The following SLC4A4 variants were observed in gnomAD, a reference collection of about 807,000 sequenced individuals.
The protein encoded by SLC4A4 is solute carrier family 4 member 4, also known as electrogenic sodium bicarbonate cotransporter 1.
In SLC4A4, 27 loss-of-function variants were observed where a neutral mutation model predicts 111.5. The ratio of observed to expected loss-of-function variants is 0.24; its 90% CI spans 0.18 to 0.33. The LOEUF (loss-of-function observed/expected upper bound fraction) is 0.33. SLC4A4 is among the 10% of genes least tolerant of loss of function. The pLI is 1.00. For synonymous variants in SLC4A4, 443 were observed against 463.4 expected, an observed-to-expected ratio of 0.96 and a Z score of 0.57; for missense variants, 909 against 1,315.5, an observed-to-expected ratio of 0.69 and a Z score of 4.78.
Position 71,440,477 on chromosome 4 carries a change from T to C in SLC4A4, c.808-139T>C, listed in dbSNP as rs1375512891. 4 of 856,030 alleles carry C rather than the reference T, an allele frequency of 4.7e-6. No homozygotes were observed. In the East Asian group the frequency reaches 1.0e-4, roughly 21 times the overall value. The allele number at this position is 856,030 out of a possible 1,614,324, so 53.0% of individuals were successfully genotyped here. A position where few individuals can be genotyped will look rare whatever the true frequency, so the allele number is the denominator to read the frequency against. ...TGTAAAAGTGGCTAGCTAGAACATG[T>C]TGCATGTCAATTTGTAAAAAGGAAT... On this transcript the variant is annotated intron_variant, in intron 7 of 25. Coordinates refer to ENST00000264485, the MANE Select transcript of SLC4A4 (RefSeq NM_001098484.3).
At chr4:71,258,116 G>A (rs1432055690) in intron 3 of SLC4A4, among the ~76,000 whole-genome samples, 1 of 152,064 alleles carries the variant, frequency 6.6e-6, no homozygotes. Context: ...ACCTCAATTG[G>A]GCATCATGGC....
chr4:71,152,715 T>G (rs1744341251), intron 2 of SLC4A4, among the ~76,000 whole-genome samples: 1 of 152,064 alleles, frequency 6.6e-6, no homozygotes, highest in Admixed American at 6.6e-5. Flanking sequence ...ATCAGATTCC[T>G]AAAATATTTA....
chr4:71,184,297 T>C (rs1745386881), upstream of SLC4A4, among the ~76,000 whole-genome samples: 1 of 152,204 alleles, frequency 6.6e-6, no homozygotes, highest in African/African-American at 2.4e-5. Context: ...ATGTCATGCC[T>C]ATAAGCGACC....
intron 7 of SLC4A4, among the ~76,000 whole-genome samples, chr4:71,420,417 A>T (rs1005052973): frequency 6.6e-6 from 1 of 152,188 alleles, no homozygotes; most frequent in African/African-American, 2.4e-5. Context: ...ACTCTGCAGG[A>T]TATTATCCAG....
chr4:71,355,375 G>A (rs1041874111), intron 5 of SLC4A4, among the ~76,000 whole-genome samples: 1 of 152,214 alleles, frequency 6.6e-6, no homozygotes, highest in Non-Finnish European at 1.5e-5. Context: ...TAGAGGGGTT[G>A]TGTTTTGTAG....
intron 2 of SLC4A4, among the ~76,000 whole-genome samples, chr4:71,125,140 A>G (rs1021900891): frequency 6.6e-6 from 1 of 152,188 alleles, no homozygotes; most frequent in African/African-American, 2.4e-5. Context: ...TTATTATTTG[A>G]TTTATGTATA....
chr4:71,199,767 C>T (rs1746165933), intron 1 of SLC4A4, among the ~76,000 whole-genome samples: 1 of 152,156 alleles, frequency 6.6e-6, no homozygotes, highest in East Asian at 1.9e-4. Flanking sequence ...TCTCCTGCTT[C>T]AGCCTCCTGA....
At chr4:71,186,255 A>G (rs552415116), upstream of SLC4A4, among the ~76,000 whole-genome samples, 14 of 152,226 alleles carry the variant, frequency 9.2e-5, no homozygotes, top group Non-Finnish European at 1.3e-4. Context: ...CATCAGTGAC[A>G]TAAGTGAAGG....
At chr4:71,217,563 A>AAAAAAC (rs760069667) in intron 1 of SLC4A4, among the ~76,000 whole-genome samples, 36 of 152,228 alleles carry the variant, frequency 2.4e-4, no homozygotes, top group Admixed American at 1.5e-3. Flanking sequence ...ACTCCATCTC[A>AAAAAAC]AAAAACAAAA....
chr4:71,492,455 A>C (rs541469949), intron 15 of SLC4A4, among the ~76,000 whole-genome samples: 1 of 151,956 alleles, frequency 6.6e-6, no homozygotes, highest in African/African-American at 2.4e-5. Flanking sequence ...ATCTCTTTTC[A>C]TGAGATTTAC....
At chr4:71,099,760 G>C (rs1377288335) in intron 2 of SLC4A4, among the ~76,000 whole-genome samples, 1 of 151,900 alleles carries the variant, frequency 6.6e-6, no homozygotes, top group Non-Finnish European at 1.5e-5. Flanking sequence ...CAAAGGGTGT[G>C]ACAAAGGGCA....
At chr4:71,420,630 G>A (rs577288179) in intron 7 of SLC4A4, among the ~76,000 whole-genome samples, 16 of 152,256 alleles carry the variant, frequency 1.1e-4, no homozygotes, top group Admixed American at 4.6e-4. Context: ...GACTAACAGC[G>A]GATCTCTCAT....
intron 1 of SLC4A4, among the ~76,000 whole-genome samples, chr4:71,065,661 T>G (rs1380976261): frequency 6.6e-6 from 1 of 152,164 alleles, no homozygotes; most frequent in Non-Finnish European, 1.5e-5. Context: ...ATGATCTCTC[T>G]TGCTTCTGGG....
intron 1 of SLC4A4, among the ~76,000 whole-genome samples, chr4:71,218,514 C>T (rs1718562460): frequency 6.6e-6 from 1 of 152,106 alleles, no homozygotes; most frequent in Non-Finnish European, 1.5e-5. Context: ...TAGAATGGTG[C>T]TTAGTGTTCC....
intron 7 of SLC4A4, among the ~76,000 whole-genome samples, chr4:71,427,410 G>A (rs1338275701): frequency 2.6e-5 from 4 of 151,806 alleles, no homozygotes; most frequent in Non-Finnish European, 5.9e-5. Flanking sequence ...TTTATCTCTA[G>A]GACAAGTATT....
intron 4 of SLC4A4, among the ~76,000 whole-genome samples, chr4:71,340,012 T>G (rs1728761046): frequency 6.6e-6 from 1 of 150,454 alleles, no homozygotes; most frequent in African/African-American, 2.4e-5. Context: ...GAGCCTAGGG[T>G]TCAAGACCAG....
chr4:71,086,494 G>A (rs538123036), intron 1 of SLC4A4, among the ~76,000 whole-genome samples: 1 of 152,072 alleles, frequency 6.6e-6, no homozygotes, highest in South Asian at 2.1e-4. Context: ...GTTTTCAAAG[G>A]GAATGTTTCC....
At chr4:71,139,598 C>T (rs1287213802) in intron 2 of SLC4A4, among the ~76,000 whole-genome samples, 1 of 152,168 alleles carries the variant, frequency 6.6e-6, no homozygotes, top group Non-Finnish European at 1.5e-5. Context: ...CATCCATCTG[C>T]GAATGTCTCC....
chr4:71,122,662 C>T (rs964389826), intron 2 of SLC4A4, among the ~76,000 whole-genome samples: 4 of 152,100 alleles, frequency 2.6e-5, no homozygotes, highest in African/African-American at 9.7e-5. Flanking sequence ...GCCTACCCTC[C>T]GGTGGCAGAT....
Sources: gnomAD v4.1 joint callset for allele counts (sites outside exome capture counted in the v4.1 genomes callset) on GRCh38, gnomAD v4.1.1 for gene constraint, MANE v1.5 for transcripts, NCBI Gene and HGNC (gene_info 2026-07-23, HGNC 2026-07-21) for gene names.